Variants in PYGL observed in about 807,000 individuals in gnomAD.
The protein encoded by PYGL is glycogen phosphorylase, liver form.
Under a neutral mutation model 100.1 loss-of-function variants are expected in PYGL, and 90 were observed. The observed-to-expected ratio is 0.90, with a 90% confidence interval of 0.76 to 1.07. The LOEUF is 1.07. Among genes scored for constraint, PYGL ranks in the 50% least tolerant of loss-of-function variants. The pLI is 0.00. For synonymous variants in PYGL, 373 were observed against 393.0 expected, an observed-to-expected ratio of 0.95 and a Z score of 0.60; for missense variants, 1,016 against 1,057.6, an observed-to-expected ratio of 0.96 and a Z score of 0.55.
At chr14:50,920,160 G>C (rs2050487514) in intron 7 of PYGL, among the ~76,000 whole-genome samples, 1 of 152,230 alleles carries the variant, frequency 6.6e-6, no homozygotes, top group Non-Finnish European at 1.5e-5. Flanking sequence ...TAGTCAGTGA[G>C]AGAAGAGGCG....
chr14:50,918,571 A>G (rs537361137), intron 7 of PYGL, among the ~76,000 whole-genome samples: 1 of 152,330 alleles, frequency 6.6e-6, no homozygotes, highest in East Asian at 1.9e-4. Context: ...GAAGTAACTC[A>G]GGAATGGAAA....
rs368389304 is a variant in PYGL, at chr14:50,923,953, C to T, written c.660+16G>A. On this transcript the variant is annotated intron_variant, in intron 5 of 19. Transcript: ENST00000216392. ...AATACTATACAAAACGCTGGCTATA[C>T]GAGCACTCTGAATACTTGAGTGTCA... The T allele has an allele frequency of 5.0e-5, 81 of 1,612,016 alleles. No homozygotes were observed. The highest frequency in any genetic ancestry group is 3.3e-4 in the Middle Eastern group (2 of 6,074).
intron 3 of PYGL, among the ~76,000 whole-genome samples, chr14:50,932,206 T>C (rs942639506): frequency 6.6e-6 from 1 of 152,168 alleles, no homozygotes; most frequent in African/African-American, 2.4e-5. Context: ...AACTTATATG[T>C]GTCCCATTCC....
rs576353470 is a variant in PYGL, at chr14:50,917,935, A to T, written c.856-830T>A. Among the ~76,000 whole-genome samples the T allele has an allele frequency of 3.3e-5, 5 of 152,342 alleles. No individual in the cohort carries two copies. In the East Asian group the frequency reaches 9.6e-4, roughly 29 times the overall value. On this transcript the variant is annotated intron_variant, in intron 7 of 19. Coordinates refer to ENST00000216392, the MANE Select transcript of PYGL (RefSeq NM_002863.5). ...ATTAAAAACTGTAACTTCTATTAAA[A>T]ATGTGAGCCTTGACTAATATCCAGA...
chr14:50,924,156 C>G (rs960180175), intron 4 of PYGL, 56 bp from the exon 5 acceptor site: 1 of 1,563,172 alleles, frequency 6.4e-7, no homozygotes, highest in East Asian at 2.2e-5. Context: ...ATGAACCTAG[C>G]ACTTCAATTA....
chr14:50,938,411 C>T (rs1270163414), intron 1 of PYGL, among the ~76,000 whole-genome samples: 1 of 151,868 alleles, frequency 6.6e-6, no homozygotes, highest in East Asian at 1.9e-4. Context: ...GGGTTTACTC[C>T]ATGTTGGTCA....
intron 6 of PYGL, 65 bp from the exon 7 acceptor site, chr14:50,920,688 C>A (rs1391466931): frequency 6.8e-7 from 1 of 1,463,142 alleles, no homozygotes; most frequent in East Asian, 2.3e-5. Context: ...ACCTCTTGAT[C>A]TCACTGGCTC....
intron 4 of PYGL, among the ~76,000 whole-genome samples, chr14:50,928,131 T>C (rs1223620032): frequency 1.3e-5 from 2 of 152,120 alleles, no homozygotes; most frequent in East Asian, 3.8e-4. Context: ...AGGCATTTCT[T>C]TAGAGGAATG....
intron 8 of PYGL, 90 bp from the exon 9 acceptor site, chr14:50,916,824 G>T: frequency 6.5e-7 from 1 of 1,539,122 alleles, no homozygotes; most frequent in East Asian, 2.2e-5. Context: ...GCACTGATAT[G>T]CCCACCTTCT....
chr14:50,923,773 G>T, intron 5 of PYGL, 196 bp downstream of exon 5: 4 of 527,086 alleles, frequency 7.6e-6, no homozygotes, highest in East Asian at 4.1e-5. Context: ...CTCCTCTCTT[G>T]GCCTCAGCTC....
chr14:50,927,685 C>T (rs1173742849), intron 4 of PYGL, among the ~76,000 whole-genome samples: 5 of 152,226 alleles, frequency 3.3e-5, no homozygotes, highest in East Asian at 1.9e-4. Flanking sequence ...GTGAATCTCC[C>T]GCTGATTCAA....
At chr14:50,938,692 C>G (rs886758103) in intron 1 of PYGL, among the ~76,000 whole-genome samples, 1 of 152,120 alleles carries the variant, frequency 6.6e-6, no homozygotes, top group Non-Finnish European at 1.5e-5. Context: ...TGGCAAAGCA[C>G]TATTTTTGGC....
At chr14:50,940,768 G>T (rs140427448) in intron 1 of PYGL, among the ~76,000 whole-genome samples, 5 of 152,114 alleles carry the variant, frequency 3.3e-5, no homozygotes, top group Non-Finnish European at 5.9e-5. Context: ...TTTTCAAAAG[G>T]CTTGTAAAAT....
chr14:50,911,763 A>C lies in PYGL; in HGVS notation c.1936T>G (p.Leu646Val). ...MVGSKLKVIF[L>V]ENYRVSLAEK... ...GCAAGAGATACTCTGTAGTTCTCCAAGAAGATGACTTTCAACTTGCTTCCA... is the reference window on the plus strand; with the variant it reads ...GCAAGAGATACTCTGTAGTTCTCCACGAAGATGACTTTCAACTTGCTTCCA... The change falls in exon 16 of 20, where the codon TTG becomes GTG. Residue 646 changes from leucine (L) to valine (V), a missense_variant. Leu to Val is a conservative substitution (Grantham distance 32). Transcript: ENST00000216392. 1 of 1,614,220 alleles carries C rather than the reference A, an allele frequency of 6.2e-7. No homozygotes were observed. Among genetic ancestry groups the C allele is most frequent in the African/African-American group, 1.3e-5 (1 of 75,058 alleles).
At chr14:50,918,973 GAGA>G (rs2050476831) in intron 7 of PYGL, among the ~76,000 whole-genome samples, 1 of 151,122 alleles carries the variant, frequency 6.6e-6, no homozygotes, top group Non-Finnish European at 1.5e-5. Flanking sequence ...CCAAGTTGAG[GAGA>G]AGAATGAATT....
At chr14:50,937,243 C>T (rs1890707) in intron 2 of PYGL, among the ~76,000 whole-genome samples, 1 of 152,140 alleles carries the variant, frequency 6.6e-6, no homozygotes, top group Non-Finnish European at 1.5e-5. Context: ...AGACTTCAAG[C>T]TTCTCCTTTA....
rs548880869 is a variant in PYGL at position 50,905,898 on chromosome 14, AAACT to A, written c.2380-346_2380-343del. Among the ~76,000 whole-genome samples, 240 of 152,328 alleles carry A rather than the reference AAACT, an allele frequency of 1.6e-3. 2 individuals carry two copies. The highest frequency in any genetic ancestry group is 6.8e-3 in the Middle Eastern group (2 of 294). ...CTTATGAATGAAGATGCTTCCCTTT[AAACT>A]ATAGGGGAGGAATCCATTGTCTGCT... On this transcript the variant is annotated intron_variant, in intron 19 of 19. Transcript: ENST00000216392.
chr14:50,916,785 G>T, intron 8 of PYGL, 51 bp from the exon 9 acceptor site: 1 of 1,577,184 alleles, frequency 6.3e-7, no homozygotes, highest in African/African-American at 1.3e-5. Context: ...TCAGGGTCTG[G>T]CTTCTTTGTC....
intron 4 of PYGL, among the ~76,000 whole-genome samples, chr14:50,930,900 G>A (rs1448987541): frequency 6.6e-6 from 1 of 151,986 alleles, no homozygotes; most frequent in Non-Finnish European, 1.5e-5. Flanking sequence ...ACACTAGGGC[G>A]ACTGTAGACT....
Sources: gnomAD v4.1 joint callset for allele counts (sites outside exome capture counted in the v4.1 genomes callset) on GRCh38, gnomAD v4.1.1 for gene constraint, MANE v1.5 for transcripts, NCBI Gene and HGNC (gene_info 2026-07-23, HGNC 2026-07-21) for gene names.